Variants in DIAPH2 observed in about 807,000 individuals in gnomAD.
DIAPH2 encodes the protein diaphanous related formin 2, also known as protein diaphanous homolog 2.
A neutral mutation model predicts 92.7 loss-of-function variants in DIAPH2; 35 were observed. That is an observed-to-expected ratio of 0.38 (90% CI 0.29 to 0.50). DIAPH2 has a LOEUF of 0.50. Ranked by LOEUF, DIAPH2 falls within the 20% of genes least tolerant of loss-of-function variation. The probability of loss-of-function intolerance (pLI) is 0.94; values close to 1 mark genes in which losing one functional copy is unlikely to be tolerated. For synonymous variants in DIAPH2, 301 were observed against 280.4 expected, an observed-to-expected ratio of 1.07 and a Z score of -0.73; for missense variants, 701 against 819.5, an observed-to-expected ratio of 0.86 and a Z score of 1.77.
chrX:96,937,838 C>G (rs1045620909), intron 11 of DIAPH2, among the ~76,000 whole-genome samples: 1 of 111,881 alleles, frequency 8.9e-6, no homozygotes, highest in African/African-American at 3.2e-5. Flanking sequence ...CTGAATATAG[C>G]AAAGCTATGT....
At chrX:96,980,300 C>T (rs1021227608) in intron 17 of DIAPH2, among the ~76,000 whole-genome samples, 3 of 110,951 alleles carry the variant, frequency 2.7e-5, no homozygotes, top group African/African-American at 9.8e-5. Flanking sequence ...AGGGATGGAG[C>T]AGGAAGGTAT....
At chrX:97,038,345 G>A (rs1378808629) in intron 17 of DIAPH2, among the ~76,000 whole-genome samples, 2 of 110,820 alleles carry the variant, frequency 1.8e-5, no homozygotes, top group African/African-American at 3.3e-5. Flanking sequence ...GTATCTTTTC[G>A]ATATGACTTA....
At chrX:97,367,435 T>C (rs2069391481) in intron 24 of DIAPH2, among the ~76,000 whole-genome samples, 1 of 111,663 alleles carries the variant, frequency 9.0e-6, no homozygotes, top group Non-Finnish European at 1.9e-5. Flanking sequence ...ATTTCCAGTT[T>C]GGAAAAGAGG....
intron 24 of DIAPH2, among the ~76,000 whole-genome samples, chrX:97,353,685 G>A (rs1049693611): frequency 4.5e-5 from 5 of 111,028 alleles, no homozygotes; most frequent in African/African-American, 1.6e-4. Context: ...ATCAGTATGT[G>A]CTACTGTTCA....
chrX:97,065,540 G>T (rs1385898497), intron 17 of DIAPH2, among the ~76,000 whole-genome samples: 1 of 111,534 alleles, frequency 9.0e-6, no homozygotes. Context: ...AACATACTGT[G>T]CTGCCAGTAA....
At chrX:97,113,604 G>A (rs1212432350) in intron 20 of DIAPH2, among the ~76,000 whole-genome samples, 1 of 112,118 alleles carries the variant, frequency 8.9e-6, no homozygotes, top group Non-Finnish European at 1.9e-5. Context: ...GGGCAAATTC[G>A]AAGAAGAAAA....
At position 97,376,645 on chromosome X, in the gene DIAPH2, A is replaced by C. The variant is rs532334494; in HGVS notation, c.3010-7264A>C. Among the ~76,000 whole-genome samples the C allele has an allele frequency of 2.7e-5, 3 of 112,250 alleles. No homozygotes were observed. The South Asian group carries it at 1.1e-3, about 42-fold the overall frequency. On this transcript the variant is annotated intron_variant, in intron 24 of 26. Transcript: ENST00000324765. ...ACTGTTATTAATAGCTTTATATGTG[A>C]TTCCTCATTAAATCGCAAACCAACA...
chrX:97,272,197 C>A (rs2068394752), intron 23 of DIAPH2, among the ~76,000 whole-genome samples: 1 of 110,366 alleles, frequency 9.1e-6, no homozygotes, highest in African/African-American at 3.3e-5. Context: ...CGGGGTTTCA[C>A]TATCTTGGCC....
At chrX:97,242,967 TA>T (rs1428443523) in intron 22 of DIAPH2, among the ~76,000 whole-genome samples, 1 of 107,840 alleles carries the variant, frequency 9.3e-6, no homozygotes, top group Non-Finnish European at 1.9e-5. Context: ...TTTGTATTTT[TA>T]GTAGAGATGG....
chrX:97,036,558 C>T (rs373353989), intron 17 of DIAPH2, among the ~76,000 whole-genome samples: 194 of 111,945 alleles, frequency 1.7e-3, no homozygotes, highest in African/African-American at 6.2e-3. Context: ...GTACTGAACT[C>T]ACACCTTTAT....
intron 22 of DIAPH2, among the ~76,000 whole-genome samples, chrX:97,238,841 T>C (rs2147536695): frequency 8.9e-6 from 1 of 111,926 alleles, no homozygotes; most frequent in East Asian, 2.8e-4. Context: ...CTTTTCTTTT[T>C]TACATATGCT....
At chrX:97,111,889 G>A (rs1170109559) in intron 20 of DIAPH2, among the ~76,000 whole-genome samples, 1 of 112,168 alleles carries the variant, frequency 8.9e-6, no homozygotes, top group Non-Finnish European at 1.9e-5. Flanking sequence ...TCTTTGGAAT[G>A]AAAATAACGA....
At chrX:97,492,886 T>C (rs1185730584) in intron 26 of DIAPH2, among the ~76,000 whole-genome samples, 1 of 112,486 alleles carries the variant, frequency 8.9e-6, no homozygotes, top group African/African-American at 3.2e-5. Context: ...TGGGTTTGTC[T>C]AATTTGGCAT....
chrX:97,560,674 G>A (rs1400121484), intron 26 of DIAPH2, among the ~76,000 whole-genome samples: 1 of 111,887 alleles, frequency 8.9e-6, no homozygotes, highest in African/African-American at 3.3e-5. Context: ...TGTATTTTTA[G>A]TAGAGACGAG....
At position 97,042,636 on chromosome X, in the gene DIAPH2, T is replaced by C. The variant is rs1403701726; in HGVS notation, c.2051-30305T>C. 3.6e-5 allele frequency among the ~76,000 whole-genome samples: 4 copies of C among 112,285 alleles called. No individual in the cohort carries two copies. In the Admixed American group the frequency reaches 3.8e-4, roughly 11 times the overall value. Reference sequence around the variant, plus strand: ...ACTATTTCTGCTCAATTCTATTTTGTGAAGTCAATCCAACTTTTATAGTCC... The same window carrying C: ...ACTATTTCTGCTCAATTCTATTTTGCGAAGTCAATCCAACTTTTATAGTCC... On this transcript the variant is annotated intron_variant, in intron 17 of 26. Transcript: ENST00000324765.
At chrX:97,298,766 C>T (rs2068668806) in intron 23 of DIAPH2, among the ~76,000 whole-genome samples, 1 of 109,914 alleles carries the variant, frequency 9.1e-6, no homozygotes, top group Non-Finnish European at 1.9e-5. Context: ...AGGTGTCCAC[C>T]ACCACGCCCA....
intron 23 of DIAPH2, among the ~76,000 whole-genome samples, chrX:97,288,120 A>C (rs2068484638): frequency 9.0e-6 from 1 of 111,184 alleles, no homozygotes; most frequent in Non-Finnish European, 1.9e-5. Context: ...TGTGCAGCAA[A>C]GGAGGAAAAA....
chrX:97,251,435 C>CTT (rs754141574), intron 23 of DIAPH2, among the ~76,000 whole-genome samples: 2 of 99,056 alleles, frequency 2.0e-5, no homozygotes, highest in African/African-American at 3.7e-5. Flanking sequence ...GTGAAGGTCT[C>CTT]TTTTTTTTTT....
rs2065214189 is a variant in DIAPH2 at position 96,881,712 on chromosome X, C to T, written c.581C>T (p.Pro194Leu). The T allele has an allele frequency of 8.3e-7, 1 of 1,206,873 alleles. No individual in the cohort carries two copies. The highest frequency in any genetic ancestry group is 1.1e-6 in the Non-Finnish European group (1 of 893,410). The change falls in exon 5 of 27, where the codon CCG (proline) becomes CTG (leucine). Residue 194 changes from proline (P) to leucine (L), a missense_variant. Coordinates refer to ENST00000324765, the MANE Select transcript of DIAPH2 (RefSeq NM_006729.5). ...ESLRVSLTSN[P>L]VSWVNNFGHE... ...CTCAGGGTTTCTTTAACCAGCAATC[C>T]GGTCAGGTAAGTCGTTCTTATCATT...
Sources: allele counts gnomAD v4.1 joint callset (sites outside exome capture counted in the v4.1 genomes callset), GRCh38; gene constraint gnomAD v4.1.1; transcripts MANE v1.5; gene names NCBI Gene and HGNC (gene_info 2026-07-23, HGNC 2026-07-21).